The following GRM8 variants were observed in gnomAD, a reference collection of about 807,000 sequenced individuals.
The protein encoded by GRM8 is metabotropic glutamate receptor 8.
Under a neutral mutation model 87.2 loss-of-function variants are expected in GRM8, and 47 were observed. The ratio of observed to expected loss-of-function variants is 0.54; its 90% CI spans 0.43 to 0.69. The LOEUF (loss-of-function observed/expected upper bound fraction) is 0.69. Among genes scored for constraint, GRM8 ranks in the 30% least tolerant of loss-of-function variants. The pLI, the probability that GRM8 is intolerant of heterozygous loss-of-function variation, is 0.00. For missense variants in GRM8, 1,019 were observed against 1,139.2 expected, an observed-to-expected ratio of 0.89 and a Z score of 1.52; for synonymous variants, 396 against 404.5, an observed-to-expected ratio of 0.98 and a Z score of 0.25.
intron 3 of GRM8, among the ~76,000 whole-genome samples, chr7:126,961,182 T>A (rs887242653): frequency 6.6e-6 from 1 of 152,142 alleles, no homozygotes; most frequent in Non-Finnish European, 1.5e-5. Flanking sequence ...TGTAAAAAGG[T>A]TAAGCTTGGG....
intron 3 of GRM8, among the ~76,000 whole-genome samples, chr7:127,092,343 G>C (rs1028051942): frequency 6.6e-6 from 1 of 152,094 alleles, no homozygotes; most frequent in Admixed American, 6.5e-5. Context: ...ACTTGGGTGG[G>C]AAGAGGAGGG....
chr7:127,058,772 C>T (rs1820271607), intron 3 of GRM8, among the ~76,000 whole-genome samples: 1 of 152,188 alleles, frequency 6.6e-6, no homozygotes, highest in Admixed American at 6.5e-5. Flanking sequence ...CAAGCAGAGT[C>T]TCCGTGTTAG....
intron 7 of GRM8, among the ~76,000 whole-genome samples, chr7:126,716,385 T>C (rs574724389): frequency 2.0e-5 from 3 of 150,292 alleles, no homozygotes; most frequent in South Asian, 2.1e-4. Flanking sequence ...GTTATTTCTC[T>C]ACAGAAAAAA....
Position 126,554,409 on chromosome 7 carries a change from A to G in GRM8, c.1495-20522T>C, listed in dbSNP as rs1006698427. Among the ~76,000 whole-genome samples the G allele has an allele frequency of 4.7e-5, 7 of 147,422 alleles. No individual in the cohort carries two copies. In the Admixed American group the frequency reaches 4.9e-4, roughly 10 times the overall value. ...AGCCAAGATAACATAGCAAGACCCA[A>G]TTTCTACAAATAATAATAATAATAA... On this transcript the variant is annotated intron_variant, in intron 8 of 10. Coordinates refer to ENST00000339582, the MANE Select transcript of GRM8 (RefSeq NM_000845.3).
At chr7:126,985,138 A>G (rs1586674389) in intron 3 of GRM8, among the ~76,000 whole-genome samples, 2 of 152,160 alleles carry the variant, frequency 1.3e-5, no homozygotes, top group Admixed American at 6.5e-5. Context: ...CAATTTTAGC[A>G]TATTTTGGCC....
chr7:126,895,815 T>C (rs1205751568), intron 6 of GRM8, among the ~76,000 whole-genome samples: 1 of 151,976 alleles, frequency 6.6e-6, no homozygotes, highest in African/African-American at 2.4e-5. Flanking sequence ...AAAATCAATG[T>C]GAAGAATATT....
At chr7:127,010,051 C>T (rs565763526) in intron 3 of GRM8, among the ~76,000 whole-genome samples, 4 of 152,154 alleles carry the variant, frequency 2.6e-5, no homozygotes, top group Non-Finnish European at 2.9e-5. Context: ...CCATGTTGGC[C>T]AGGCTGGTCT....
intron 3 of GRM8, among the ~76,000 whole-genome samples, chr7:127,092,482 G>A (rs142907056): frequency 2.0e-3 from 308 of 152,306 alleles, no homozygotes; most frequent in African/African-American, 6.9e-3. Context: ...GATCTCTTGA[G>A]GCCAGGAGTT....
chr7:126,725,601 G>A (rs188783904), intron 7 of GRM8, among the ~76,000 whole-genome samples: 4 of 152,250 alleles, frequency 2.6e-5, no homozygotes, highest in East Asian at 1.9e-4. Flanking sequence ...TTATCAGGTT[G>A]GACATTTAAA....
intron 7 of GRM8, among the ~76,000 whole-genome samples, chr7:126,635,330 T>C (rs1340503618): frequency 1.3e-5 from 2 of 152,192 alleles, no homozygotes; most frequent in African/African-American, 4.8e-5. Flanking sequence ...ATGCTCATAT[T>C]GGTGACTAAT....
intron 3 of GRM8, among the ~76,000 whole-genome samples, chr7:127,032,517 C>G (rs112279963): frequency 8.5e-4 from 129 of 152,250 alleles, no homozygotes; most frequent in Middle Eastern, 3.4e-3. Context: ...ATCTTTCTAG[C>G]AATGCTCTGC....
chr7:126,651,575 C>G (rs1803874537), intron 7 of GRM8, among the ~76,000 whole-genome samples: 1 of 152,102 alleles, frequency 6.6e-6, no homozygotes, highest in African/African-American at 2.4e-5. Flanking sequence ...TTCTGCTCGC[C>G]TAGAGGTCTT....
At position 126,807,632 on chromosome 7, in the gene GRM8, A is replaced by C. The variant is rs554510399; in HGVS notation, c.1157-37567T>G. 1.9e-4 allele frequency among the ~76,000 whole-genome samples: 28 copies of C among 151,144 alleles called. No homozygotes were observed. The South Asian group carries it at 5.9e-3, about 32-fold the overall frequency. On this transcript the variant is annotated intron_variant, in intron 6 of 10. Coordinates refer to ENST00000339582, the MANE Select transcript of GRM8 (RefSeq NM_000845.3). ...CACTCTTCCATCATCTCCTCCCTTC[A>C]CTTCTCCTTGTCTGGACTCCCTACA...
chr7:127,037,462 TG>T (rs1182883103), intron 3 of GRM8, among the ~76,000 whole-genome samples: 1 of 152,164 alleles, frequency 6.6e-6, no homozygotes, highest in African/African-American at 2.4e-5. Flanking sequence ...CTTTCCTCCC[TG>T]ACCAAAGACT....
chr7:126,740,542 G>A (rs1231854113), intron 7 of GRM8, among the ~76,000 whole-genome samples: 3 of 152,062 alleles, frequency 2.0e-5, no homozygotes, highest in Non-Finnish European at 4.4e-5. Flanking sequence ...AATCTGTGCT[G>A]ATAACTGAAA....
At chr7:126,753,428 A>C (rs1816656861) in intron 7 of GRM8, among the ~76,000 whole-genome samples, 1 of 151,796 alleles carries the variant, frequency 6.6e-6, no homozygotes, top group Non-Finnish European at 1.5e-5. Flanking sequence ...ATATACGTAT[A>C]TATACACACA....
intron 2 of GRM8, among the ~76,000 whole-genome samples, chr7:127,141,471 A>C (rs780842717): frequency 1.3e-5 from 2 of 152,180 alleles, no homozygotes; most frequent in Non-Finnish European, 1.5e-5. Flanking sequence ...GTACAGAAAC[A>C]GGATCCCCAG....
chr7:127,084,024 C>T (rs1823173486), intron 3 of GRM8, among the ~76,000 whole-genome samples: 1 of 152,118 alleles, frequency 6.6e-6, no homozygotes, highest in Non-Finnish European at 1.5e-5. Context: ...AGCAGAGATA[C>T]AAACTTCTAG....
chr7:126,633,714 A>G (rs960791067), intron 7 of GRM8, among the ~76,000 whole-genome samples: 5 of 152,066 alleles, frequency 3.3e-5, no homozygotes, highest in Non-Finnish European at 7.4e-5. Flanking sequence ...TTTGTATGTT[A>G]AAATAACCTC....
Sources: gnomAD v4.1 joint callset for allele counts (sites outside exome capture counted in the v4.1 genomes callset) on GRCh38, gnomAD v4.1.1 for gene constraint, MANE v1.5 for transcripts, NCBI Gene and HGNC (gene_info 2026-07-23, HGNC 2026-07-21) for gene names.